The following LZTR1 variants were observed in gnomAD, a reference collection of about 807,000 sequenced individuals.
LZTR1 encodes the protein leucine-zipper-like transcriptional regulator 1.
LZTR1 carries 260 observed loss-of-function variants against 105.7 expected under a neutral mutation model. The ratio of observed to expected loss-of-function variants is 2.46; its 90% CI spans 2.22 to 2.72. The LOEUF (loss-of-function observed/expected upper bound fraction) is 2.72. Among genes scored for constraint, LZTR1 ranks in the 30% most tolerant of loss-of-function variants. LZTR1 has a pLI of 0.00. For missense variants in LZTR1, 1,214 were observed against 1,166.9 expected, an observed-to-expected ratio of 1.04 and a Z score of -0.59; for synonymous variants, 490 against 476.4, an observed-to-expected ratio of 1.03 and a Z score of -0.37.
intron 16 of LZTR1, 27 bp downstream of exon 16, chr22:20,995,053 G>T: frequency 6.3e-7 from 1 of 1,586,892 alleles, no homozygotes; most frequent in South Asian, 1.1e-5. Context: ...CCCTTCCCTG[G>T]GGGCTGGGAG....
intron 11 of LZTR1, chr22:20,993,252 T>C: frequency 4.9e-6 from 2 of 411,040 alleles, no homozygotes; most frequent in Middle Eastern, 6.9e-4. Flanking sequence ...TTCCCAGGCC[T>C]GGAGGAGCAG....
chr22:20,997,212 C>T lies in LZTR1; in HGVS notation c.2407-20C>T. 6.5e-7 allele frequency: 1 copy of T among 1,545,234 alleles called. No individual in the cohort carries two copies. The highest frequency in any genetic ancestry group is 9.0e-7 in the Non-Finnish European group (1 of 1,117,302). On this transcript the variant is annotated intron_variant, in intron 20 of 20. Transcript: ENST00000646124. ...TAGGTGGATCTGGTCCCATCTCCTT[C>T]CGGCCTGCTTGCCTTACAGGTCTCC... is the stretch of plus-strand genomic sequence containing the variant.
intron 3 of LZTR1, 29 bp from the exon 4 acceptor site, chr22:20,987,475 G>T (rs1218962426): frequency 7.0e-7 from 1 of 1,421,472 alleles, no homozygotes; most frequent in South Asian, 1.1e-5. Context: ...GACCCCCGCT[G>T]ACTCTCACCA....
In LZTR1 at chr22:20,996,930, G is replaced by A. The variant is rs905460468; in HGVS notation, c.2370G>A (p.Arg790=). The A allele has an allele frequency of 1.2e-6, 2 of 1,613,272 alleles. No individual in the cohort carries two copies. Among genetic ancestry groups the A allele is most frequent in the African/African-American group, 2.7e-5 (2 of 74,932 alleles). The change falls in exon 20 of 21, where the codon CGG becomes CGA. Residue 790 remains arginine (R), a synonymous_variant. Coordinates refer to ENST00000646124, the MANE Select transcript of LZTR1 (RefSeq NM_006767.4). ...AAACGCAGGCACTGGACATGAAGCG[G>A]CACTGCCTGCACATCATTGTGCACC... ...ADKTQALDMK[R]HCLHIIVHQF... is the part of the protein sequence containing the mutation.
rs1924526245 is a variant in LZTR1, at chr22:20,989,678, AG to A, written c.649del (p.Glu217ArgfsTer35). 5 of 1,607,008 alleles carry A rather than the reference AG, an allele frequency of 3.1e-6. No homozygotes were observed. The highest frequency in any genetic ancestry group is 4.3e-6 in the Non-Finnish European group (5 of 1,176,146). On this transcript the variant is annotated frameshift_variant, in exon 7 of 21. Coordinates refer to ENST00000646124, the MANE Select transcript of LZTR1 (RefSeq NM_006767.4). LOFTEE classifies it high-confidence loss of function. ...CAGGACCGAGAGCTCACCTGCTGGG[AG>A]GAGGTGAGGGGCGTGGGGAGCCAGG... is the stretch of plus-strand genomic sequence containing the variant. Reference protein sequence around the residue: ...GLQDRELTCWEEVAQSGEIPP... With the variant: ...GLQDRELTCWXEVAQSGEIPP...
chr22:20,992,048 A>G (rs1924625539), intron 9 of LZTR1, among the ~76,000 whole-genome samples, 166 bp from the exon 10 acceptor site: 1 of 152,172 alleles, frequency 6.6e-6, no homozygotes, highest in South Asian at 2.1e-4. Flanking sequence ...ACACCCCATC[A>G]TGGCTGCATG....
In LZTR1 at chr22:20,990,369, G is replaced by A. The variant is rs1924560356; in HGVS notation, c.652-17G>A. 6.2e-7 allele frequency: 1 copy of A among 1,613,808 alleles called. No homozygotes were observed. Among genetic ancestry groups the A allele is most frequent in the African/African-American group, 1.3e-5 (1 of 74,898 alleles). ...GGCCCTGTGAGGCCGGGGCTGAGCTGTCCTCTCCCCCTGCAGGTGGCCCAG... is the reference window on the plus strand; with the variant it reads ...GGCCCTGTGAGGCCGGGGCTGAGCTATCCTCTCCCCCTGCAGGTGGCCCAG... On this transcript the variant is annotated splice_polypyrimidine_tract_variant and intron_variant, in intron 7 of 20. Coordinates refer to ENST00000646124, the MANE Select transcript of LZTR1 (RefSeq NM_006767.4).
chr22:20,987,881 T>C (rs1170634711), intron 4 of LZTR1, 129 bp from the exon 5 acceptor site: 1 of 673,292 alleles, frequency 1.5e-6, no homozygotes, highest in Non-Finnish European at 2.7e-6. Context: ...CAGCAGGTCG[T>C]TCCGGGGCTT....
In LZTR1 at chr22:20,987,548, C is replaced by A. The variant is rs587777177; in HGVS notation, c.365C>A (p.Ser122Ter). 1.9e-6 allele frequency: 3 copies of A among 1,614,144 alleles called. No homozygotes were observed. Among genetic ancestry groups the A allele is most frequent in the South Asian group, 1.1e-5 (1 of 91,084 alleles). ...CCACCGGCCCCCCGTTACCACCACT[C>A]GGCCGTCGTCTATGGGAGCAGCATG... ...GTPPAPRYHH[S>*]AVVYGSSMFV... Residue 122 changes from serine to a stop codon, truncating the protein, a stop_gained, in exon 4 of 21, where the codon TCG becomes TAG. Coordinates refer to ENST00000646124, the MANE Select transcript of LZTR1 (RefSeq NM_006767.4). LOFTEE classifies it high-confidence loss of function.
In LZTR1 at chr22:20,985,902, G is replaced by A. The variant is rs1555927336; in HGVS notation, c.320+5G>A. ...GAAAGACTGCTCCTGGTGCAGGTGG[G>A]TGGCCCCGTGCTCCAGGGCCCTGCC... On this transcript the variant is annotated splice_donor_5th_base_variant and intron_variant, in intron 3 of 20. Coordinates refer to ENST00000646124, the MANE Select transcript of LZTR1 (RefSeq NM_006767.4). 1 of 1,614,032 alleles carries A rather than the reference G, an allele frequency of 6.2e-7. No homozygotes were observed. The highest frequency in any genetic ancestry group is 1.6e-4 in the Middle Eastern group (1 of 6,062).
At chr22:20,988,148 A>T (rs997146873) in intron 5 of LZTR1, 30 bp downstream of exon 5, 2 of 1,461,700 alleles carry the variant, frequency 1.4e-6, no homozygotes, top group Non-Finnish European at 1.9e-6. Context: ...CATTTGGGAC[A>T]GGCTGGGTCC....
intron 7 of LZTR1, 137 bp from the exon 8 acceptor site, chr22:20,990,249 C>A: frequency 9.8e-7 from 1 of 1,015,306 alleles, no homozygotes. Context: ...ATGAGCTGTT[C>A]CAAGACAAAG....
chr22:20,983,075 T>G lies in LZTR1; in HGVS notation c.249T>G (p.Phe83Leu). The change falls in exon 2 of 21, where the codon TTT becomes TTG. Residue 83 changes from phenylalanine to leucine, a missense_variant. Phe to Leu is a conservative substitution (Grantham distance 22). Transcript: ENST00000646124. Reference sequence around the variant, plus strand: ...CCTATAAAGATGCCATTTATGTATTTGGTGGAGACAATGGGTGAGTGAGTC... The same window carrying G: ...CCTATAAAGATGCCATTTATGTATTGGGTGGAGACAATGGGTGAGTGAGTC... The part of the protein sequence containing the change: ...VVAYKDAIYV[F>L]GGDNGKTMLN... 6.2e-7 allele frequency: 1 copy of G among 1,614,080 alleles called. No individual in the cohort carries two copies. The highest frequency in any genetic ancestry group is 8.5e-7 in the Non-Finnish European group (1 of 1,179,932).
chr22:20,983,238 C>A, intron 2 of LZTR1, 149 bp downstream of exon 2: 1 of 691,892 alleles, frequency 1.4e-6, no homozygotes, highest in Admixed American at 2.2e-5. Context: ...TCCTTGCACT[C>A]ACCTCCCTGG....
intron 10 of LZTR1, chr22:20,992,590 C>T: frequency 4.7e-6 from 3 of 638,444 alleles, no homozygotes; most frequent in Non-Finnish European, 8.1e-6. Flanking sequence ...CTCTGAGGGT[C>T]TCCATGGCCC....
chr22:20,989,554 C>T, intron 6 of LZTR1, 71 bp from the exon 7 acceptor site: 1 of 1,250,116 alleles, frequency 8.0e-7, no homozygotes, highest in Non-Finnish European at 1.2e-6. Flanking sequence ...TGCAGCCATC[C>T]CTTCCAGCCA....
intron 3 of LZTR1, chr22:20,986,731 G>A (rs1452527146): frequency 6.6e-6 from 1 of 152,132 alleles, no homozygotes; most frequent in Non-Finnish European, 1.5e-5. Context: ...ATAGATGATA[G>A]GTAGATAGAT....
Position 20,992,253 on chromosome 22 carries a change from G to T in LZTR1, c.1033G>T (p.Glu345Ter), listed in dbSNP as rs761956867. The change falls in exon 10 of 21, where the codon GAG becomes TAG. Residue 345 changes from glutamate (E) to a stop codon, truncating the protein, a stop_gained. Transcript: ENST00000646124. LOFTEE classifies it high-confidence loss of function. ...AEVPERACAS[E>*]EVPTLTYEER... ...AGTGCCCGAGCGAGCCTGTGCTTCC[G>T]AGGAGGTGCCCACCCTGACCTATGA... 6.2e-7 allele frequency: 1 copy of T among 1,613,986 alleles called. No individual in the cohort carries two copies. Among genetic ancestry groups the T allele is most frequent in the Non-Finnish European group, 8.5e-7 (1 of 1,179,964 alleles).
chr22:20,988,921 C>T lies in LZTR1; in HGVS notation c.593+49C>T, dbSNP rs933113606. 2.2e-5 allele frequency: 34 copies of T among 1,514,008 alleles called. No individual in the cohort carries two copies. The Middle Eastern group carries it at 1.2e-3, about 53-fold the overall frequency. The allele number at this position is 1,514,008 out of a possible 1,614,324, so 93.8% of individuals were successfully genotyped here. On this transcript the variant is annotated intron_variant, in intron 6 of 20. Coordinates refer to ENST00000646124, the MANE Select transcript of LZTR1 (RefSeq NM_006767.4). ...ACCCCACCTCCGACAGCACTGAGAC[C>T]CGGAGCAGGCCGTCCTGGCATTTGA...
Sources: gnomAD v4.1 joint callset for allele counts (sites outside exome capture counted in the v4.1 genomes callset) on GRCh38, gnomAD v4.1.1 for gene constraint, MANE v1.5 for transcripts, NCBI Gene and HGNC (gene_info 2026-07-23, HGNC 2026-07-21) for gene names.